CRB1: variants seen among roughly 807,000 people sequenced by gnomAD.
The protein encoded by CRB1 is crumbs cell polarity complex component 1, also known as protein crumbs homolog 1.
A neutral mutation model predicts 120.0 loss-of-function variants in CRB1; 83 were observed. The ratio of observed to expected loss-of-function variants is 0.69; its 90% CI spans 0.58 to 0.83. The LOEUF (loss-of-function observed/expected upper bound fraction) is 0.83, where lower values mean the gene tolerates loss of function less well. CRB1 is among the 40% of genes least tolerant of loss of function. CRB1 has a pLI of 0.00. For missense variants in CRB1, 1,699 were observed against 1,687.6 expected (o/e 1.01, Z -0.12); for synonymous variants, 625 against 612.5 (o/e 1.02, Z -0.30).
chr1:197,304,711 T>C (rs1228982621), intron 1 of CRB1, among the ~76,000 whole-genome samples: 1 of 152,250 alleles, frequency 6.6e-6, no homozygotes, highest in African/African-American at 2.4e-5. Context: ...TTTGGCTACA[T>C]CTACAGGCTT....
chr1:197,452,796 A>T (rs75904559), intron 11 of CRB1, among the ~76,000 whole-genome samples: 3,180 of 152,262 alleles, frequency 0.021, 46 homozygotes, highest in Non-Finnish European at 0.035. Context: ...TTCAGCCACT[A>T]TAAAAACCTG....
chr1:197,256,649 C>A, the CRB1 span, among the ~76,000 whole-genome samples: 1 of 151,994 alleles, frequency 6.6e-6, no homozygotes, highest in Non-Finnish European at 1.5e-5. Flanking sequence ...AAATGTTTTA[C>A]ATAATTTTTT....
At chr1:197,339,075 AT>A (rs1659315580) in intron 2 of CRB1, among the ~76,000 whole-genome samples, 1 of 152,186 alleles carries the variant, frequency 6.6e-6, no homozygotes, top group Non-Finnish European at 1.5e-5. Context: ...GAATTTTGTT[AT>A]TTTTGGTGTC....
At chr1:197,347,197 C>T (rs567475742) in intron 3 of CRB1, 143 bp from the exon 4 acceptor site, 2 of 760,942 alleles carry the variant, frequency 2.6e-6, no homozygotes, top group Admixed American at 1.8e-5. Context: ...GCATTCAGTC[C>T]TGTATAGATA....
chr1:197,258,896 A>G, the CRB1 span, among the ~76,000 whole-genome samples: 3 of 152,240 alleles, frequency 2.0e-5, no homozygotes, highest in African/African-American at 7.2e-5. Context: ...ATGACTCAAT[A>G]TGTGTTAAAT....
At chr1:197,372,906 T>C (rs1025125564) in intron 5 of CRB1, among the ~76,000 whole-genome samples, 7 of 152,106 alleles carry the variant, frequency 4.6e-5, no homozygotes, top group Non-Finnish European at 5.9e-5. Context: ...ACAAATCCTG[T>C]AGTGAGTTTA....
At chr1:197,235,311 C>T in the CRB1 span, among the ~76,000 whole-genome samples, 60 of 152,250 alleles carry the variant, frequency 3.9e-4, no homozygotes, top group Middle Eastern at 0.01. Context: ...CACCCGTGCA[C>T]TTCAGGTTGC....
At chr1:197,370,730 A>G (rs566349828) in intron 5 of CRB1, among the ~76,000 whole-genome samples, 3 of 152,294 alleles carry the variant, frequency 2.0e-5, no homozygotes, top group African/African-American at 7.2e-5. Flanking sequence ...ATGTTGAAGT[A>G]CATGTCTTTG....
In CRB1 at chr1:197,328,654, G is replaced by C. The variant is rs1181375291; in HGVS notation, c.303G>C (p.Gly101=). 1.2e-6 allele frequency: 2 copies of C among 1,613,984 alleles called. No homozygotes were observed. Among genetic ancestry groups the C allele is most frequent in the Non-Finnish European group, 1.7e-6 (2 of 1,179,982 alleles). ...ERSFLCKCPP[G]YSGTICETTI... Reference sequence around the variant, plus strand: ...GCTTTCTGTGCAAATGTCCTCCTGGGTACAGTGGGACAATCTGTGAAACTA... The same window carrying C: ...GCTTTCTGTGCAAATGTCCTCCTGGCTACAGTGGGACAATCTGTGAAACTA... Residue 101 remains glycine (G), a synonymous_variant, in exon 2 of 12, where the codon GGG becomes GGC. Coordinates refer to ENST00000367400, the MANE Select transcript of CRB1 (RefSeq NM_201253.3).
Position 197,435,561 on chromosome 1 carries a change from C to G in CRB1, c.3698C>G (p.Thr1233Ser). The change falls in exon 9 of 12, where the codon ACT becomes AGT. Residue 1233 changes from threonine (T) to serine (S), a missense_variant. Transcript: ENST00000367400. ...AATGGAGCCACCTGCATTAGTCATA[C>G]TAATGGCTATTCTTGCCTCTGTTTT... ...CANGATCISHTNGYSCLCFGN... is the reference protein window; with the variant it reads ...CANGATCISHSNGYSCLCFGN... 1 of 1,613,482 alleles carries G rather than the reference C, an allele frequency of 6.2e-7. No homozygotes were observed.
At chr1:197,211,825 C>T in the CRB1 span, among the ~76,000 whole-genome samples, 1 of 149,934 alleles carries the variant, frequency 6.7e-6, no homozygotes, top group African/African-American at 2.5e-5. Context: ...TTTCAAAAGA[C>T]AATGTTAAGA....
chr1:197,308,378 C>G (rs1657300671), intron 1 of CRB1, among the ~76,000 whole-genome samples: 1 of 152,038 alleles, frequency 6.6e-6, no homozygotes, highest in South Asian at 2.1e-4. Context: ...ACGGAATATT[C>G]CCATGTAACA....
At chr1:197,353,931 G>A (rs1660264424) in intron 4 of CRB1, among the ~76,000 whole-genome samples, 1 of 149,312 alleles carries the variant, frequency 6.7e-6, no homozygotes, top group Non-Finnish European at 1.5e-5. Context: ...TTACATTTTG[G>A]GGCGAGCAGT....
chr1:197,441,603 T>A (rs1665435691), intron 10 of CRB1: 1 of 151,244 alleles, frequency 6.6e-6, no homozygotes, highest in African/African-American at 2.4e-5. Flanking sequence ...CAGAAAATAA[T>A]TCAAAATCTC....
chr1:197,335,778 T>C (rs1301047003), intron 2 of CRB1, among the ~76,000 whole-genome samples: 1 of 152,248 alleles, frequency 6.6e-6, no homozygotes, highest in African/African-American at 2.4e-5. Context: ...ATTACAGGCA[T>C]GAGCCACCTC....
At chr1:197,228,645 C>T in the CRB1 span, among the ~76,000 whole-genome samples, 1 of 152,204 alleles carries the variant, frequency 6.6e-6, no homozygotes, top group Non-Finnish European at 1.5e-5. Context: ...GCCCTCCAAA[C>T]TGTTCCAACC....
chr1:197,236,893 T>C, the CRB1 span, among the ~76,000 whole-genome samples: 7 of 152,364 alleles, frequency 4.6e-5, no homozygotes, highest in African/African-American at 1.4e-4. Context: ...CTTTAAGCTT[T>C]TTTAAAATAA....
At chr1:197,357,824 G>GAA (rs1660569215) in intron 5 of CRB1, 1 of 152,234 alleles carries the variant, frequency 6.6e-6, no homozygotes, top group African/African-American at 2.4e-5. Context: ...TTTCAGTTTT[G>GAA]AAATTTAATG....
chr1:197,420,245 G>C (rs574436489), intron 5 of CRB1, among the ~76,000 whole-genome samples: 29 of 152,164 alleles, frequency 1.9e-4, no homozygotes, highest in African/African-American at 6.5e-4. Context: ...CCCTGGAAAA[G>C]CAACAGCCAC....
Sources: gnomAD v4.1 joint callset for allele counts (sites outside exome capture counted in the v4.1 genomes callset) on GRCh38, gnomAD v4.1.1 for gene constraint, MANE v1.5 for transcripts, NCBI Gene and HGNC (gene_info 2026-07-23, HGNC 2026-07-21) for gene names.